THSD7B: variants seen among roughly 807,000 people sequenced by gnomAD.
THSD7B encodes the protein thrombospondin type-1 domain-containing protein 7B.
Under a neutral mutation model 213.6 loss-of-function variants are expected in THSD7B, and 138 were observed. That is an observed-to-expected ratio of 0.65 (90% CI 0.56 to 0.74). THSD7B has a LOEUF of 0.74. Among genes scored for constraint, THSD7B ranks in the 30% least tolerant of loss-of-function variants. THSD7B has a pLI of 0.00. For synonymous variants in THSD7B, 742 were observed against 687.0 expected, an observed-to-expected ratio of 1.08 and a Z score of -1.25; for missense variants, 1,931 against 1,991.5, an observed-to-expected ratio of 0.97 and a Z score of 0.58.
chr2:137,016,780 A>G (rs554293195), intron 2 of THSD7B, among the ~76,000 whole-genome samples: 7 of 152,346 alleles, frequency 4.6e-5, no homozygotes, highest in Admixed American at 3.9e-4. Context: ...CTTCTTAAGT[A>G]GGAAACCACT....
chr2:136,951,420 T>G (rs967300362), intron 2 of THSD7B, among the ~76,000 whole-genome samples: 1 of 152,238 alleles, frequency 6.6e-6, no homozygotes, highest in Non-Finnish European at 1.5e-5. Flanking sequence ...ATCATCTAAT[T>G]TTTTAAATCA....
chr2:137,169,554 G>A (rs1680202056), intron 6 of THSD7B, among the ~76,000 whole-genome samples: 1 of 151,998 alleles, frequency 6.6e-6, no homozygotes, highest in South Asian at 2.1e-4. Flanking sequence ...TGTTCTCTGT[G>A]CTATCAAACT....
chr2:137,579,605 CAG>C (rs1403549806), intron 17 of THSD7B, among the ~76,000 whole-genome samples: 11 of 152,190 alleles, frequency 7.2e-5, no homozygotes, highest in African/African-American at 2.4e-4. Context: ...TAATTACTGA[CAG>C]ATGCACTTTC....
rs1257247749 is a variant in THSD7B at position 137,642,374 on chromosome 2, A to G, written c.3800-114A>G. On this transcript the variant is annotated intron_variant, in intron 20 of 27. Coordinates refer to ENST00000409968, the MANE Select transcript of THSD7B (RefSeq NM_001316349.2). The stretch of plus-strand genomic sequence containing the variant: ...ACAGAAAAACTAAAAGTGAGATAGG[A>G]CAGAGTTCAGTCTATTAAAATGAAG... 3.1e-6 allele frequency: 4 copies of G among 1,292,126 alleles called. No individual in the cohort carries two copies. The African/African-American group carries it at 6.0e-5, about 19-fold the overall frequency. The allele number at this position is 1,292,126 out of a possible 1,614,324, so 80.0% of individuals were successfully genotyped here.
At chr2:137,534,767 C>T (rs1283221241) in intron 15 of THSD7B, among the ~76,000 whole-genome samples, 3 of 151,626 alleles carry the variant, frequency 2.0e-5, no homozygotes, top group Non-Finnish European at 3.0e-5. Flanking sequence ...AGCTGAAAAG[C>T]ATATTTCTTA....
chr2:137,503,990 G>T (rs1679774845), intron 15 of THSD7B, among the ~76,000 whole-genome samples: 1 of 148,140 alleles, frequency 6.8e-6, no homozygotes, highest in Non-Finnish European at 1.5e-5. Flanking sequence ...TCATGCCAGT[G>T]CACTCCAGCC....
chr2:137,115,100 T>C (rs779866662), intron 4 of THSD7B, 24 bp from the exon 5 acceptor site: 4 of 1,613,680 alleles, frequency 2.5e-6, no homozygotes, highest in Non-Finnish European at 8.5e-7. Flanking sequence ...CTTCTTCTTC[T>C]TTTAAATAAA....
rs749535193 is a variant in THSD7B at position 137,242,485 on chromosome 2, G to C, written c.2179G>C (p.Val727Leu). The change falls in exon 10 of 28, where the codon GTG (valine) becomes CTG (leucine). Residue 727 changes from valine to leucine, a missense_variant. Val to Leu is a conservative substitution (Grantham distance 32, BLOSUM62 1). Coordinates refer to ENST00000409968, the MANE Select transcript of THSD7B (RefSeq NM_001316349.2). ...TCCAGATTCTACTCGACCTGAAACT[G>C]TGCGCCCCTGTTTTCTCCCATGCAA... ...RCPDSTRPET[V>L]RPCFLPCKKD... 6.2e-7 allele frequency: 1 copy of C among 1,613,812 alleles called. No homozygotes were observed. Among genetic ancestry groups the C allele is most frequent in the East Asian group, 2.2e-5 (1 of 44,874 alleles).
intron 10 of THSD7B, among the ~76,000 whole-genome samples, chr2:137,243,079 A>G (rs1681950090): frequency 6.6e-6 from 1 of 152,230 alleles, no homozygotes; most frequent in East Asian, 1.9e-4. Flanking sequence ...TTTATTCTTA[A>G]TGGTGATACT....
At chr2:137,121,424 ATG>A (rs1049997252) in intron 5 of THSD7B, among the ~76,000 whole-genome samples, 2 of 152,182 alleles carry the variant, frequency 1.3e-5, no homozygotes, top group African/African-American at 4.8e-5. Flanking sequence ...AACATGTGCA[ATG>A]TGTTATATAT....
intron 2 of THSD7B, among the ~76,000 whole-genome samples, chr2:137,032,271 C>A (rs1463979438): frequency 6.6e-6 from 1 of 152,136 alleles, no homozygotes; most frequent in East Asian, 1.9e-4. Context: ...TGATATTTGA[C>A]CTCAGGTCTT....
At chr2:137,408,768 T>A (rs577813279) in intron 13 of THSD7B, among the ~76,000 whole-genome samples, 2 of 152,320 alleles carry the variant, frequency 1.3e-5, no homozygotes, top group African/African-American at 4.8e-5. Context: ...CCCTGGCTCA[T>A]GTTCCCCTCC....
intron 2 of THSD7B, among the ~76,000 whole-genome samples, chr2:136,943,649 A>T (rs1684874210): frequency 6.6e-6 from 1 of 151,918 alleles, no homozygotes; most frequent in Non-Finnish European, 1.5e-5. Flanking sequence ...TTTCTTCTAG[A>T]TTTCTTAGTT....
chr2:136,805,154 A>G (rs942715706), intron 1 of THSD7B, among the ~76,000 whole-genome samples: 1 of 152,214 alleles, frequency 6.6e-6, no homozygotes, highest in Non-Finnish European at 1.5e-5. Context: ...AGAACCATAT[A>G]GACTGCATCT....
chr2:137,044,187 T>A (rs1686929582), intron 2 of THSD7B, among the ~76,000 whole-genome samples: 2 of 152,170 alleles, frequency 1.3e-5, no homozygotes, highest in Admixed American at 6.5e-5. Flanking sequence ...CTTAGATCTA[T>A]TTTCCTGGAT....
At chr2:136,936,989 T>A (rs1684745520) in intron 2 of THSD7B, among the ~76,000 whole-genome samples, 1 of 152,030 alleles carries the variant, frequency 6.6e-6, no homozygotes, top group Non-Finnish European at 1.5e-5. Context: ...TGATAAAAAA[T>A]TTTACTCATT....
chr2:136,976,709 C>T (rs981880379), intron 2 of THSD7B, among the ~76,000 whole-genome samples: 5 of 151,846 alleles, frequency 3.3e-5, no homozygotes, highest in African/African-American at 1.2e-4. Flanking sequence ...GCAAGCTCCG[C>T]CTCCCAGGTT....
intron 12 of THSD7B, among the ~76,000 whole-genome samples, chr2:137,352,359 T>A (rs1362893953): frequency 6.6e-6 from 1 of 151,912 alleles, no homozygotes; most frequent in African/African-American, 2.4e-5. Flanking sequence ...CCTCTGAAAG[T>A]CCACATGCCA....
intron 5 of THSD7B, among the ~76,000 whole-genome samples, chr2:137,118,870 G>A (rs552193832): frequency 6.6e-6 from 1 of 152,262 alleles, no homozygotes; most frequent in African/African-American, 2.4e-5. Flanking sequence ...CATGGCAGAA[G>A]GGGAAAGACA....
Sources: gnomAD v4.1 joint callset for allele counts (sites outside exome capture counted in the v4.1 genomes callset) on GRCh38, gnomAD v4.1.1 for gene constraint, MANE v1.5 for transcripts, NCBI Gene and HGNC (gene_info 2026-07-23, HGNC 2026-07-21) for gene names.